The following SCFD2 variants were observed in gnomAD, a reference collection of about 807,000 sequenced individuals.
SCFD2 encodes the protein sec1 family domain containing 2.
Under a neutral mutation model 58.9 loss-of-function variants are expected in SCFD2, and 54 were observed. That is an observed-to-expected ratio of 0.92 (90% confidence interval 0.74 to 1.15). SCFD2 has a LOEUF of 1.15. Ranked by LOEUF, SCFD2 falls within the 50% of genes most tolerant of loss-of-function variation. The pLI, the probability that SCFD2 is intolerant of heterozygous loss-of-function variation, is 0.00. For missense variants in SCFD2, 805 were observed against 836.6 expected, an observed-to-expected ratio of 0.96 and a Z score of 0.47; for synonymous variants, 321 against 335.9, an observed-to-expected ratio of 0.96 and a Z score of 0.49.
In SCFD2 at chr4:52,986,491, A is replaced by ATTTTTTTTTTTTTTTTTTTTTTTTTTTT. The variant is rs369944739; in HGVS notation, c.1562-65622_1562-65621insAAAAAAAAAAAAAAAAAAAAAAAAAAAA. Among the ~76,000 whole-genome samples, 7 of 84,928 alleles carry ATTTTTTTTTTTTTTTTTTTTTTTTTTTT rather than the reference A, an allele frequency of 8.2e-5. 1 individual carries two copies. Among genetic ancestry groups the ATTTTTTTTTTTTTTTTTTTTTTTTTTTT allele is most frequent in the Non-Finnish European group, 1.1e-4 (5 of 46,636 alleles). The allele number at this position is 84,928 out of a possible 152,430, so 55.7% of individuals were successfully genotyped here. On this transcript the variant is annotated intron_variant, in intron 5 of 8. Transcript: ENST00000401642. The stretch of plus-strand genomic sequence containing the variant: ...ATCTCAAGCTTAGGATCTTCATGAA[A>ATTTTTTTTTTTTTTTTTTTTTTTTTTTT]TTTTTTTTTTTTTTTTTTTTTTTTT...
intron 5 of SCFD2, among the ~76,000 whole-genome samples, chr4:53,004,162 T>C (rs189622163): frequency 2.2e-3 from 332 of 152,236 alleles, no homozygotes; most frequent in Non-Finnish European, 3.5e-3. Context: ...AATAAGAACA[T>C]GCACACGATA....
intron 3 of SCFD2, among the ~76,000 whole-genome samples, chr4:53,298,483 GAGGCCTGCCTGCCTCTGT>G (rs1732134144): frequency 6.6e-6 from 1 of 152,226 alleles, no homozygotes; most frequent in African/African-American, 2.4e-5. Context: ...AAAGCTCAAG[GAGGCCTGCCTGCCTCTGT>G]AGGCTCCACC....
chr4:52,950,851 G>A (rs1220067765), intron 5 of SCFD2: 1 of 152,038 alleles, frequency 6.6e-6, no homozygotes, highest in Non-Finnish European at 1.5e-5. Context: ...GATGCCTTCA[G>A]GACAGACAGC....
At chr4:53,172,792 G>C (rs1382993682) in intron 4 of SCFD2, among the ~76,000 whole-genome samples, 3 of 152,182 alleles carry the variant, frequency 2.0e-5, no homozygotes, top group Admixed American at 6.6e-5. Context: ...TTCATGTGCA[G>C]TTGAAAAGAA....
At chr4:52,947,811 A>T (rs1423300949) in intron 5 of SCFD2, among the ~76,000 whole-genome samples, 1 of 152,064 alleles carries the variant, frequency 6.6e-6, no homozygotes, top group Admixed American at 6.6e-5. Context: ...ATTAAAAAAA[A>T]AAAATTGAAA....
intron 4 of SCFD2, among the ~76,000 whole-genome samples, chr4:53,175,414 C>A (rs1026452688): frequency 6.6e-6 from 1 of 151,974 alleles, no homozygotes; most frequent in Admixed American, 6.6e-5. Flanking sequence ...GTACATGGAA[C>A]GAGGCTAAAA....
rs1577817424 is a variant in SCFD2 at position 52,907,492 on chromosome 4, C to T, written c.1807G>A (p.Asp603Asn). The change falls in exon 7 of 9, where the codon GAT becomes AAT. Residue 603 changes from aspartate (D) to asparagine (N), a missense_variant. Asp to Asn is a conservative substitution (Grantham distance 23). Transcript: ENST00000401642. ...ATGCTAAATCCAGTTTTAAGGAGAT[C>T]AGTGAGGCCTGAAGACATGTGTTCA... ...DIEHMSSGLT[D>N]LLKTGFSMFM... is the part of the protein sequence containing the mutation. 1 of 1,614,046 alleles carries T rather than the reference C, an allele frequency of 6.2e-7. No homozygotes were observed. The highest frequency in any genetic ancestry group is 8.5e-7 in the Non-Finnish European group (1 of 1,179,930).
intron 4 of SCFD2, among the ~76,000 whole-genome samples, chr4:53,258,534 G>T (rs1730720501): frequency 1.0e-5 from 1 of 96,986 alleles, no homozygotes; most frequent in Non-Finnish European, 2.0e-5. Context: ...TCCATGGTGT[G>T]TGTGTATATA....
At position 53,237,328 on chromosome 4, in the gene SCFD2, C is replaced by A. The variant is rs542129617; in HGVS notation, c.1311+36498G>T. ...ATTCCACAAAGCCGCCATTGTCATC[C>A]TGGCCCGTTCTCAATGAGCTGTTGG... is the stretch of plus-strand genomic sequence containing the variant. On this transcript the variant is annotated intron_variant, in intron 4 of 8. Coordinates refer to ENST00000401642, the MANE Select transcript of SCFD2 (RefSeq NM_152540.4). 7.4e-4 allele frequency among the ~76,000 whole-genome samples: 113 copies of A among 151,938 alleles called. No individual in the cohort carries two copies. The Middle Eastern group carries it at 0.014, about 18-fold the overall frequency.
intron 2 of SCFD2, among the ~76,000 whole-genome samples, chr4:53,326,659 A>T (rs1232835818): frequency 7.2e-5 from 11 of 152,192 alleles, no homozygotes; most frequent in African/African-American, 2.2e-4. Context: ...ATATCTTCTC[A>T]TTCCTAGAAG....
intron 5 of SCFD2, chr4:52,948,661 A>G (rs1157248867): frequency 9.8e-6 from 4 of 409,666 alleles, no homozygotes; most frequent in South Asian, 7.2e-5. Flanking sequence ...TCCTACTTAT[A>G]TATATGATTT....
At chr4:53,358,520 T>C (rs1348641756) in intron 1 of SCFD2, among the ~76,000 whole-genome samples, 1 of 145,638 alleles carries the variant, frequency 6.9e-6, no homozygotes, top group Non-Finnish European at 1.5e-5. Context: ...GCCATTGCAC[T>C]CCAGCCTGGG....
chr4:52,955,004 CCA>C (rs1720678369), intron 5 of SCFD2, among the ~76,000 whole-genome samples: 1 of 152,162 alleles, frequency 6.6e-6, no homozygotes, highest in Non-Finnish European at 1.5e-5. Flanking sequence ...AAGCCGTCTC[CCA>C]CACAGTACCC....
chr4:53,346,441 AT>A (rs939183156), intron 2 of SCFD2, among the ~76,000 whole-genome samples: 3 of 151,722 alleles, frequency 2.0e-5, no homozygotes, highest in African/African-American at 7.3e-5. Context: ...CACCTGGCTA[AT>A]TTTGTATTTT....
chr4:53,269,845 C>A (rs114153189), intron 4 of SCFD2, among the ~76,000 whole-genome samples: 1 of 152,064 alleles, frequency 6.6e-6, no homozygotes. Flanking sequence ...GCCAACATGG[C>A]GAAATCCTAT....
At chr4:53,006,848 A>G (rs1410178714) in intron 5 of SCFD2, among the ~76,000 whole-genome samples, 4 of 152,126 alleles carry the variant, frequency 2.6e-5, no homozygotes, top group Non-Finnish European at 5.9e-5. Flanking sequence ...GGCTGGGTAG[A>G]GGCCCTCACA....
At chr4:53,035,555 A>C (rs1295174606) in intron 5 of SCFD2, among the ~76,000 whole-genome samples, 1 of 152,250 alleles carries the variant, frequency 6.6e-6, no homozygotes, top group African/African-American at 2.4e-5. Flanking sequence ...ACAATGGGAG[A>C]AAATTTCTGC....
chr4:53,309,879 T>A (rs1732635809), intron 3 of SCFD2, among the ~76,000 whole-genome samples: 1 of 152,216 alleles, frequency 6.6e-6, no homozygotes, highest in Admixed American at 6.5e-5. Flanking sequence ...ATAACTTCCC[T>A]CTGCTCAGAG....
chr4:52,901,963 A>T (rs765981940), intron 7 of SCFD2, among the ~76,000 whole-genome samples: 16 of 152,342 alleles, frequency 1.1e-4, no homozygotes, highest in Non-Finnish European at 2.1e-4. Context: ...TACATAAATA[A>T]GATTGAGTTC....
Sources: allele counts gnomAD v4.1 joint callset (sites outside exome capture counted in the v4.1 genomes callset), GRCh38; gene constraint gnomAD v4.1.1; transcripts MANE v1.5; gene names NCBI Gene and HGNC (gene_info 2026-07-23, HGNC 2026-07-21).